Variants in GRIP1 observed in about 807,000 individuals in gnomAD.
GRIP1 encodes the protein glutamate receptor interacting protein 1.
Under a neutral mutation model 129.9 loss-of-function variants are expected in GRIP1, and 45 were observed. The observed-to-expected ratio is 0.35, with a 90% CI of 0.27 to 0.44. The LOEUF (loss-of-function observed/expected upper bound fraction) is 0.44. Among genes scored for constraint, GRIP1 ranks in the 20% least tolerant of loss-of-function variants. The pLI is 1.00. For missense variants in GRIP1, 1,196 were observed against 1,396.8 expected (o/e 0.86, Z 2.29); for synonymous variants, 530 against 520.8 (o/e 1.02, Z -0.24).
chr12:66,661,898 T>G (rs1303479095), intron 1 of GRIP1, among the ~76,000 whole-genome samples: 1 of 152,152 alleles, frequency 6.6e-6, no homozygotes, highest in East Asian at 1.9e-4. Flanking sequence ...TTTCAAGATT[T>G]CACTGTGTAC....
At chr12:66,404,793 A>G (rs747752754) in intron 16 of GRIP1, among the ~76,000 whole-genome samples, 1 of 152,162 alleles carries the variant, frequency 6.6e-6, no homozygotes, top group Non-Finnish European at 1.5e-5. Context: ...GCACTTTGGG[A>G]GGCCGAGGTG....
chr12:66,702,438 C>T (rs79976937), intron 1 of GRIP1, among the ~76,000 whole-genome samples: 6,267 of 152,194 alleles, frequency 0.041, 262 homozygotes, highest in East Asian at 0.2. Flanking sequence ...TAGAGTTCTG[C>T]TTTCAAGGTA....
At chr12:66,957,499 C>T (rs1265613802) in intron 1 of GRIP1, among the ~76,000 whole-genome samples, 1 of 151,676 alleles carries the variant, frequency 6.6e-6, no homozygotes, top group Non-Finnish European at 1.5e-5. Context: ...ACCATGTCTC[C>T]TTATGCGACT....
At chr12:66,879,393 G>T (rs76361234) in intron 1 of GRIP1, among the ~76,000 whole-genome samples, 1 of 152,014 alleles carries the variant, frequency 6.6e-6, no homozygotes, top group Non-Finnish European at 1.5e-5. Context: ...CCCTGTGGAA[G>T]GGGGTATTAT....
chr12:66,598,656 C>T (rs1273516776), intron 1 of GRIP1, among the ~76,000 whole-genome samples: 4 of 152,128 alleles, frequency 2.6e-5, no homozygotes, highest in Non-Finnish European at 5.9e-5. Flanking sequence ...TTAAAACAGA[C>T]GTACTATGTA....
chr12:66,556,914 A>AAAAAAT (rs2062354644), intron 2 of GRIP1, among the ~76,000 whole-genome samples: 1 of 152,048 alleles, frequency 6.6e-6, no homozygotes, highest in Non-Finnish European at 1.5e-5. Flanking sequence ...ATGACAGAAA[A>AAAAAAT]AAAAATAAGA....
intron 1 of GRIP1, chr12:66,891,823 A>G (rs1350310473): frequency 6.6e-6 from 1 of 152,232 alleles, no homozygotes; most frequent in Non-Finnish European, 1.5e-5. Flanking sequence ...TAAGGAGGAA[A>G]AGGAATTCGA....
chr12:66,551,974 C>A (rs2062155620), intron 2 of GRIP1, among the ~76,000 whole-genome samples: 1 of 152,012 alleles, frequency 6.6e-6, no homozygotes, highest in African/African-American at 2.4e-5. Context: ...ATCTGGGAGT[C>A]CAGCTGAACA....
intron 1 of GRIP1, among the ~76,000 whole-genome samples, chr12:66,843,893 A>G (rs1236865859): frequency 6.6e-6 from 1 of 152,198 alleles, no homozygotes; most frequent in African/African-American, 2.4e-5. Context: ...ATTAAATTTG[A>G]AAATGACTTC....
chr12:66,733,478 C>T (rs2036502778), intron 1 of GRIP1, among the ~76,000 whole-genome samples: 1 of 152,082 alleles, frequency 6.6e-6, no homozygotes. Flanking sequence ...TTCCTTTGCC[C>T]TTCTTCCTCC....
At chr12:66,484,307 T>C (rs1202844213) in intron 7 of GRIP1, among the ~76,000 whole-genome samples, 1 of 152,244 alleles carries the variant, frequency 6.6e-6, no homozygotes, top group Non-Finnish European at 1.5e-5. Context: ...TTATAATTGC[T>C]ATATTGTATT....
chr12:66,376,564 A>G (rs1357826783), intron 22 of GRIP1, among the ~76,000 whole-genome samples: 1 of 152,238 alleles, frequency 6.6e-6, no homozygotes, highest in African/African-American at 2.4e-5. Flanking sequence ...GTTAATACAG[A>G]TGGAATCAGG....
rs184880925 is a variant in GRIP1 at position 66,724,682 on chromosome 12, G to A, written c.-420+79371C>T. 2.6e-5 allele frequency among the ~76,000 whole-genome samples: 4 copies of A among 152,254 alleles called. No individual in the cohort carries two copies. In the East Asian group the frequency reaches 7.7e-4, roughly 29 times the overall value. ...ACCCCTCCTTTAGAAATTACTCCATGTTTCTGTGTCCTTTTGTCTTGGGCA... is the reference window on the plus strand; with the variant it reads ...ACCCCTCCTTTAGAAATTACTCCATATTTCTGTGTCCTTTTGTCTTGGGCA... On this transcript the variant is annotated intron_variant, in intron 1 of 4. Transcript: ENST00000538373.
chr12:66,914,802 G>A (rs984459056), intron 1 of GRIP1, among the ~76,000 whole-genome samples: 9 of 152,118 alleles, frequency 5.9e-5, no homozygotes, highest in Non-Finnish European at 4.4e-5. Flanking sequence ...TCAAGATACT[G>A]TAGATGAGTC....
chr12:66,422,494 C>A (rs1366349044), intron 14 of GRIP1, among the ~76,000 whole-genome samples: 3 of 152,286 alleles, frequency 2.0e-5, no homozygotes, highest in South Asian at 2.1e-4. Flanking sequence ...GCAAGTACAG[C>A]TTTTCTAGCA....
chr12:66,764,444 T>C (rs986789747), intron 1 of GRIP1, among the ~76,000 whole-genome samples: 1 of 152,184 alleles, frequency 6.6e-6, no homozygotes, highest in African/African-American at 2.4e-5. Flanking sequence ...AGAGAAAGCA[T>C]TACTGAGGAA....
chr12:66,883,733 T>G (rs1015726152), intron 1 of GRIP1, among the ~76,000 whole-genome samples: 1 of 152,200 alleles, frequency 6.6e-6, no homozygotes, highest in African/African-American at 2.4e-5. Context: ...CAGTGTCCCA[T>G]TTCACAAAGA....
chr12:67,034,619 G>A (rs938523186), intron 1 of GRIP1, among the ~76,000 whole-genome samples: 3 of 152,222 alleles, frequency 2.0e-5, no homozygotes, highest in Admixed American at 2.0e-4. Flanking sequence ...TGAGCCAGGT[G>A]ACTCAGTGAG....
chr12:66,444,612 G>C lies in GRIP1; in HGVS notation c.1659C>G (p.Val553=), dbSNP rs772976945. Residue 553 remains valine, a synonymous_variant, in exon 13 of 25, where the codon GTC becomes GTG. Transcript: ENST00000359742. ...LLRDSSITSK[V]TLEIEFDVAE... is the part of the protein sequence containing the mutation. ...CAACATCAAACTCGATTTCCAGTGT[G>C]ACCTTGCTCGTGATTGAAGAGTCTC... is the stretch of plus-strand genomic sequence containing the variant. The C allele has an allele frequency of 1.2e-6, 2 of 1,613,696 alleles. No individual in the cohort carries two copies. Among genetic ancestry groups the C allele is most frequent in the Non-Finnish European group, 1.7e-6 (2 of 1,179,918 alleles).
Sources: allele counts gnomAD v4.1 joint callset (sites outside exome capture counted in the v4.1 genomes callset), GRCh38; gene constraint gnomAD v4.1.1; transcripts MANE v1.5; gene names NCBI Gene and HGNC (gene_info 2026-07-23, HGNC 2026-07-21).